The following LSAMP variants were observed in gnomAD, a reference collection of about 807,000 sequenced individuals.
The protein encoded by LSAMP is limbic system-associated membrane protein.
Under a neutral mutation model 38.6 loss-of-function variants are expected in LSAMP, and 7 were observed. The observed-to-expected ratio is 0.18, with a 90% CI of 0.10 to 0.34. LSAMP has a LOEUF of 0.34. Among genes scored for constraint, LSAMP ranks in the 10% least tolerant of loss-of-function variants. The probability of loss-of-function intolerance (pLI) is 1.00; values close to 1 mark genes in which losing one functional copy is unlikely to be tolerated. For missense variants in LSAMP, 313 were observed against 420.0 expected (o/e 0.75, Z 2.23); for synonymous variants, 154 against 166.8 (o/e 0.92, Z 0.59).
At chr3:115,942,135 G>C (rs1937943306) in intron 3 of LSAMP, among the ~76,000 whole-genome samples, 1 of 151,802 alleles carries the variant, frequency 6.6e-6, no homozygotes, top group Admixed American at 6.6e-5. Flanking sequence ...AGTTAATAAA[G>C]GAAAAAGTAC....
Position 116,047,605 on chromosome 3 carries a change from C to A in LSAMP, c.389-27965G>T, listed in dbSNP as rs569833629. On this transcript the variant is annotated intron_variant, in intron 2 of 6. Transcript: ENST00000490035. ...CTCTTTCTTTTGATCCTTTTGCCTC[C>A]TTGGACAACTCTGACTTCAAGACCC... Among the ~76,000 whole-genome samples the A allele has an allele frequency of 2.6e-5, 4 of 152,174 alleles. No individual in the cohort carries two copies. The East Asian group carries it at 7.7e-4, about 29-fold the overall frequency.
At chr3:116,355,731 C>T (rs917838586) in intron 1 of LSAMP, among the ~76,000 whole-genome samples, 2 of 152,060 alleles carry the variant, frequency 1.3e-5, no homozygotes, top group Non-Finnish European at 2.9e-5. Context: ...GCTCAAATAA[C>T]TCTACAGGAA....
chr3:116,443,848 G>GA (rs1351328564), intron 1 of LSAMP, among the ~76,000 whole-genome samples: 1 of 152,048 alleles, frequency 6.6e-6, no homozygotes. Context: ...AGGAAAGCTA[G>GA]AAAAAAGAAC....
chr3:116,131,759 C>T (rs931289335), intron 1 of LSAMP, among the ~76,000 whole-genome samples: 1 of 152,022 alleles, frequency 6.6e-6, no homozygotes, highest in African/African-American at 2.4e-5. Context: ...TAATGATAAA[C>T]CCAACCCACA....
intron 3 of LSAMP, among the ~76,000 whole-genome samples, chr3:116,009,879 A>G (rs979228482): frequency 6.6e-6 from 1 of 152,118 alleles, no homozygotes; most frequent in African/African-American, 2.4e-5. Context: ...ATCCTTTCCC[A>G]GATAAGAAAT....
chr3:116,395,486 G>A lies in LSAMP; in HGVS notation c.155+49391C>T, dbSNP rs72951903. Among the ~76,000 whole-genome samples, 603 of 152,266 alleles carry A rather than the reference G, an allele frequency of 4.0e-3. 6 individuals carry two copies. The highest frequency in any genetic ancestry group is 0.014 in the African/African-American group (575 of 41,562). Reference sequence around the variant, plus strand: ...GCTTATTATTAAATGCAAATAAAACGAAATGAAGTCCGGCTGTCTGGGTGC... The same window carrying A: ...GCTTATTATTAAATGCAAATAAAACAAAATGAAGTCCGGCTGTCTGGGTGC... On this transcript the variant is annotated intron_variant, in intron 1 of 6. Coordinates refer to ENST00000490035, the MANE Select transcript of LSAMP (RefSeq NM_002338.5).
chr3:116,273,703 TATATACAC>T lies in LSAMP; in HGVS notation c.155+171166_155+171173del, dbSNP rs1373286470. Among the ~76,000 whole-genome samples the T allele has an allele frequency of 3.3e-4, 42 of 127,084 alleles. 2 individuals carry two copies. The highest frequency in any genetic ancestry group is 1.4e-3 in the African/African-American group (39 of 27,892). The allele number at this position is 127,084 out of a possible 152,430, so 83.4% of individuals were successfully genotyped here. Reference sequence around the variant, plus strand: ...AGAGGCATATATATATATATATATATATATACACACACACACACACGTATATATGTATA... The same window carrying T: ...AGAGGCATATATATATATATATATATACACACACACACGTATATATGTATA... On this transcript the variant is annotated intron_variant, in intron 1 of 6. Coordinates refer to ENST00000490035, the MANE Select transcript of LSAMP (RefSeq NM_002338.5).
At chr3:116,256,710 C>G (rs1321901035) in intron 1 of LSAMP, among the ~76,000 whole-genome samples, 1 of 152,102 alleles carries the variant, frequency 6.6e-6, no homozygotes, top group African/African-American at 2.4e-5. Flanking sequence ...TTTTCTTTCT[C>G]TCTTCTGTGT....
At chr3:115,814,132 G>A (rs1371052735) in intron 6 of LSAMP, 1 of 152,120 alleles carries the variant, frequency 6.6e-6, no homozygotes, top group African/African-American at 2.4e-5. Context: ...CAGAAGTTTG[G>A]ATTACAGAAA....
At chr3:116,413,059 G>C (rs1233858680) in intron 1 of LSAMP, among the ~76,000 whole-genome samples, 3 of 151,894 alleles carry the variant, frequency 2.0e-5, no homozygotes, top group Non-Finnish European at 4.4e-5. Flanking sequence ...ATAAATTATT[G>C]GGTTCCACCT....
chr3:116,392,923 T>C (rs2048723517), intron 1 of LSAMP, among the ~76,000 whole-genome samples: 1 of 152,086 alleles, frequency 6.6e-6, no homozygotes, highest in South Asian at 2.1e-4. Flanking sequence ...GACAAGTTGC[T>C]GCAAAGAGGA....
At chr3:116,406,486 G>A (rs552815323) in intron 1 of LSAMP, among the ~76,000 whole-genome samples, 11 of 151,952 alleles carry the variant, frequency 7.2e-5, no homozygotes, top group Non-Finnish European at 1.2e-4. Flanking sequence ...TCCTCTCTGA[G>A]CCTCTTTTTT....
chr3:115,953,725 CAG>C (rs1233163368), intron 3 of LSAMP, among the ~76,000 whole-genome samples: 1 of 152,246 alleles, frequency 6.6e-6, no homozygotes, highest in African/African-American at 2.4e-5. Context: ...TTCTACCCTG[CAG>C]AGTCTGGCTT....
chr3:116,275,034 C>T lies in LSAMP; in HGVS notation c.155+169843G>A, dbSNP rs141942488. Among the ~76,000 whole-genome samples, 201 of 149,260 alleles carry T rather than the reference C, an allele frequency of 1.3e-3. 2 individuals are homozygous for T. The highest frequency in any genetic ancestry group is 1.8e-3 in the Admixed American group (27 of 15,040). ...ACTTTTGTTGTCTTTCTTATAAACA[C>T]GGCCACAAAGGATTTAAAAATAAAT... On this transcript the variant is annotated intron_variant, in intron 1 of 6. Coordinates refer to ENST00000490035, the MANE Select transcript of LSAMP (RefSeq NM_002338.5).
intron 3 of LSAMP, among the ~76,000 whole-genome samples, chr3:115,983,713 G>A (rs1328539507): frequency 1.3e-5 from 2 of 152,146 alleles, no homozygotes; most frequent in Admixed American, 6.5e-5. Flanking sequence ...GAGCCATACA[G>A]AGGGGAGGGC....
intron 1 of LSAMP, among the ~76,000 whole-genome samples, chr3:116,369,235 C>T (rs537228830): frequency 6.6e-6 from 1 of 152,192 alleles, no homozygotes; most frequent in African/African-American, 2.4e-5. Context: ...CTACAAAGAC[C>T]TTACAACCTA....
chr3:115,970,612 A>C (rs1352253084), intron 3 of LSAMP, among the ~76,000 whole-genome samples: 1 of 152,184 alleles, frequency 6.6e-6, no homozygotes, highest in East Asian at 1.9e-4. Context: ...GGTCAGAACG[A>C]AGAAGTTCTT....
intron 3 of LSAMP, among the ~76,000 whole-genome samples, chr3:116,014,534 A>G (rs1940422680): frequency 6.6e-6 from 1 of 152,236 alleles, no homozygotes; most frequent in Non-Finnish European, 1.5e-5. Flanking sequence ...AATTAATAGA[A>G]TAAATTGAGT....
chr3:116,036,172 C>T (rs1941040861), intron 2 of LSAMP, among the ~76,000 whole-genome samples: 1 of 152,148 alleles, frequency 6.6e-6, no homozygotes, highest in Non-Finnish European at 1.5e-5. Context: ...GAGAAAATTA[C>T]ACAACTTTTA....
Sources: gnomAD v4.1 joint callset for allele counts (sites outside exome capture counted in the v4.1 genomes callset) on GRCh38, gnomAD v4.1.1 for gene constraint, MANE v1.5 for transcripts, NCBI Gene and HGNC (gene_info 2026-07-23, HGNC 2026-07-21) for gene names.